Variants in PTPRD observed in about 807,000 individuals in gnomAD.
The protein encoded by PTPRD is receptor-type tyrosine-protein phosphatase delta.
A neutral mutation model predicts 214.5 loss-of-function variants in PTPRD; 34 were observed. The observed-to-expected ratio is 0.16, with a 90% CI of 0.12 to 0.21. The LOEUF (loss-of-function observed/expected upper bound fraction) is 0.21, where lower values mean the gene tolerates loss of function less well. Ranked by LOEUF, PTPRD falls within the 10% of genes least tolerant of loss-of-function variation. PTPRD has a pLI of 1.00. For missense variants in PTPRD, 2,545 were observed against 2,398.7 expected (o/e 1.06, Z -1.27); for synonymous variants, 1,128 against 845.7 (o/e 1.33, Z -5.79).
chr9:8,787,240 A>G (rs1284006017), intron 11 of PTPRD, among the ~76,000 whole-genome samples: 1 of 152,134 alleles, frequency 6.6e-6, no homozygotes, highest in African/African-American at 2.4e-5. Context: ...GCTTAAGCAG[A>G]TTTTTCTAGC....
At chr9:10,026,392 TG>T (rs2096924065) in intron 4 of PTPRD, among the ~76,000 whole-genome samples, 1 of 152,208 alleles carries the variant, frequency 6.6e-6, no homozygotes, top group Non-Finnish European at 1.5e-5. Flanking sequence ...AAACTGACAT[TG>T]TTTAAAAGAT....
chr9:10,595,770 T>C lies in PTPRD; in HGVS notation c.-600+16628A>G, dbSNP rs545807779. ...ATAATCTTTCTGTAAGCTCTAACAC[T>C]TTACTAGTGGGGGGAAAGAAGCTAA... On this transcript the variant is annotated intron_variant, in intron 2 of 45. Transcript: ENST00000381196. Among the ~76,000 whole-genome samples, 24 of 151,798 alleles carry C rather than the reference T, an allele frequency of 1.6e-4. No individual in the cohort carries two copies. In the South Asian group the frequency reaches 4.8e-3, roughly 30 times the overall value.
intron 3 of PTPRD, among the ~76,000 whole-genome samples, chr9:10,317,062 G>A (rs978722018): frequency 4.6e-5 from 7 of 151,916 alleles, no homozygotes; most frequent in Admixed American, 2.6e-4. Flanking sequence ...ACATTGTTTA[G>A]AAAATGTAAT....
intron 3 of PTPRD, among the ~76,000 whole-genome samples, chr9:10,271,380 A>AACTC (rs71321242): frequency 0.55 from 83,742 of 151,294 alleles, 24,965 homozygotes; most frequent in Non-Finnish European, 0.68. Flanking sequence ...TTTAAAGAGT[A>AACTC]ACTCAGAGTC....
rs574602678 is a variant in PTPRD at position 8,755,315 on chromosome 9, A to G, written c.-103-21369T>C. Among the ~76,000 whole-genome samples, 48 of 152,068 alleles carry G rather than the reference A, an allele frequency of 3.2e-4. 2 individuals carry two copies. Among genetic ancestry groups the G allele is most frequent in the Admixed American group, 2.7e-3 (41 of 15,276 alleles). On this transcript the variant is annotated intron_variant, in intron 11 of 45. Transcript: ENST00000381196. ...GAGGCCGAGGTGGACGGATCACATGAGGTCAGGAGTTCGAGGCCAGCCTGG... is the reference window on the plus strand; with the variant it reads ...GAGGCCGAGGTGGACGGATCACATGGGGTCAGGAGTTCGAGGCCAGCCTGG...
chr9:10,513,551 T>C (rs2049000638), intron 2 of PTPRD, among the ~76,000 whole-genome samples: 1 of 152,148 alleles, frequency 6.6e-6, no homozygotes, highest in South Asian at 2.1e-4. Flanking sequence ...TTAGAGCTGG[T>C]TACCAAATCA....
At chr9:10,227,660 T>G (rs2099593380) in intron 3 of PTPRD, among the ~76,000 whole-genome samples, 2 of 152,016 alleles carry the variant, frequency 1.3e-5, no homozygotes, top group African/African-American at 4.8e-5. Context: ...TAATGTTCTG[T>G]TACTTCTGAT....
chr9:9,235,827 G>A (rs2099966279), intron 9 of PTPRD, among the ~76,000 whole-genome samples: 1 of 151,968 alleles, frequency 6.6e-6, no homozygotes, highest in Non-Finnish European at 1.5e-5. Flanking sequence ...GTATAAATTT[G>A]CTCTTAGATT....
At chr9:9,789,796 CAAAAAA>C (rs774579667) in intron 5 of PTPRD, among the ~76,000 whole-genome samples, 3 of 40,832 alleles carry the variant, frequency 7.3e-5, no homozygotes, top group Admixed American at 3.8e-4. Flanking sequence ...AACTCTGTCT[CAAAAAA>C]AAAAAAAAAA....
In PTPRD at chr9:9,393,591, A is replaced by C. The variant is rs577989443; in HGVS notation, c.-203+3858T>G. ...CACTCTCAGCATCATGAGGAATAAC[A>C]AATTTTTATTTTAAGGCACTGAGAT... On this transcript the variant is annotated intron_variant, in intron 9 of 45. Coordinates refer to ENST00000381196, the MANE Select transcript of PTPRD (RefSeq NM_002839.4). 2.4e-4 allele frequency among the ~76,000 whole-genome samples: 36 copies of C among 152,282 alleles called. No homozygotes were observed. The South Asian group carries it at 7.3e-3, about 31-fold the overall frequency.
chr9:9,617,366 T>C (rs567443275), intron 7 of PTPRD, among the ~76,000 whole-genome samples: 2 of 152,268 alleles, frequency 1.3e-5, no homozygotes, highest in African/African-American at 2.4e-5. Context: ...GAAGAGCTGA[T>C]TGTACTACTG....
At chr9:9,068,380 T>C (rs537093447) in intron 10 of PTPRD, among the ~76,000 whole-genome samples, 2 of 152,174 alleles carry the variant, frequency 1.3e-5, no homozygotes, top group South Asian at 4.1e-4. Context: ...CAATTACTGG[T>C]TGCATAGTAA....
At chr9:10,102,613 T>G (rs1311706947) in intron 3 of PTPRD, among the ~76,000 whole-genome samples, 1 of 151,524 alleles carries the variant, frequency 6.6e-6, no homozygotes, top group Non-Finnish European at 1.5e-5. Context: ...AATATTGAAT[T>G]TATGCACAAT....
chr9:8,414,306 A>C (rs2093736868), intron 35 of PTPRD, among the ~76,000 whole-genome samples: 2 of 152,302 alleles, frequency 1.3e-5, no homozygotes, highest in Non-Finnish European at 1.5e-5. Context: ...ATTCTAAGCT[A>C]TCACCTGTGA....
At chr9:8,497,217 G>C (rs200725624) in intron 26 of PTPRD, 25 bp downstream of exon 26, 106 of 1,576,636 alleles carry the variant, frequency 6.7e-5, no homozygotes, top group Non-Finnish European at 6.8e-5. Context: ...GTCTGCTTTT[G>C]ACAAAACAGT....
intron 7 of PTPRD, among the ~76,000 whole-genome samples, chr9:9,690,811 C>T (rs1209246112): frequency 6.6e-6 from 1 of 151,816 alleles, no homozygotes; most frequent in Admixed American, 6.6e-5. Context: ...TATTCTGTTT[C>T]ATTGGTGTAT....
chr9:10,276,108 T>G (rs997041991), intron 3 of PTPRD, among the ~76,000 whole-genome samples: 2 of 152,184 alleles, frequency 1.3e-5, no homozygotes, highest in African/African-American at 2.4e-5. Flanking sequence ...TTTACAACAA[T>G]GCCATCTGGA....
intron 14 of PTPRD, among the ~76,000 whole-genome samples, chr9:8,613,950 GTTTT>G (rs199925793): frequency 6.8e-6 from 1 of 146,196 alleles, no homozygotes; most frequent in African/African-American, 2.5e-5. Flanking sequence ...TATTCTTGCA[GTTTT>G]TTTTTTTTCT....
chr9:9,247,861 G>C (rs2099973774), intron 9 of PTPRD, among the ~76,000 whole-genome samples: 1 of 152,052 alleles, frequency 6.6e-6, no homozygotes, highest in East Asian at 1.9e-4. Flanking sequence ...TGAAGTTTGA[G>C]CATGATCACC....
Sources: gnomAD v4.1 joint callset for allele counts (sites outside exome capture counted in the v4.1 genomes callset) on GRCh38, gnomAD v4.1.1 for gene constraint, MANE v1.5 for transcripts, NCBI Gene and HGNC (gene_info 2026-07-23, HGNC 2026-07-21) for gene names.